Variants in CYP1B1 observed in about 807,000 individuals in gnomAD.
The protein encoded by CYP1B1 is cytochrome P450 family 1 subfamily B member 1, also known as cytochrome P450 1B1.
Under a neutral mutation model 29.9 loss-of-function variants are expected in CYP1B1, and 22 were observed. The observed-to-expected ratio is 0.74, with a 90% confidence interval of 0.53 to 1.05. The LOEUF (loss-of-function observed/expected upper bound fraction) is 1.05. Ranked by LOEUF, CYP1B1 falls within the 50% of genes least tolerant of loss-of-function variation. The pLI, the probability that CYP1B1 is intolerant of heterozygous loss-of-function variation, is 0.00. For missense variants in CYP1B1, 883 were observed against 746.9 expected (o/e 1.18, Z -2.12); for synonymous variants, 375 against 320.0 (o/e 1.17, Z -1.83).
Position 38,071,171 on chromosome 2 carries a change from C to G in CYP1B1, c.1183G>C (p.Val395Leu), listed in dbSNP as rs753971512. ...GTGGCATGAGGAATAGTGACAGGCA[C>G]AAAGCTGGAGAAGCGCATGGCTTCA... ...LYEAMRFSSF[V>L]PVTIPHATTA... The change falls in exon 3 of 3, where the codon GTG (valine) becomes CTG (leucine). Residue 395 changes from valine (V) to leucine (L), a missense_variant. By Grantham distance (32) the Val-to-Leu change is conservative. Coordinates refer to ENST00000610745, the MANE Select transcript of CYP1B1 (RefSeq NM_000104.4). The G allele has an allele frequency of 6.2e-6, 10 of 1,613,738 alleles. No homozygotes were observed. In the South Asian group the frequency reaches 9.9e-5, roughly 16 times the overall value.
rs1273390088 is a variant in CYP1B1, at chr2:38,074,808, C to A, written c.581G>T (p.Arg194Met). Reference protein sequence around the residue: ...GSADGAFLDPRPLTVVAVANV... With the variant: ...GSADGAFLDPMPLTVVAVANV... ...GGCCACGGCCACGACGGTCAGCGGC[C>A]TCGGGTCGAGGAAGGCGCCGTCCGC... is the stretch of plus-strand genomic sequence containing the variant. The change falls in exon 2 of 3, where the codon AGG (arginine) becomes ATG (methionine). Residue 194 changes from arginine (R) to methionine (M), a missense_variant. By Grantham distance (91) the Arg-to-Met change is moderately conservative. Coordinates refer to ENST00000610745, the MANE Select transcript of CYP1B1 (RefSeq NM_000104.4). The A allele has an allele frequency of 1.3e-6, 2 of 1,578,618 alleles. No individual in the cohort carries two copies. Among genetic ancestry groups the A allele is most frequent in the South Asian group, 2.3e-5 (2 of 86,762 alleles).
At position 38,075,035 on chromosome 2, in the gene CYP1B1, C is replaced by G. The variant is rs967583953; in HGVS notation, c.354G>C (p.Pro118=). The G allele has an allele frequency of 6.3e-7, 1 of 1,588,830 alleles. No homozygotes were observed. Among genetic ancestry groups the G allele is most frequent in the South Asian group, 1.1e-5 (1 of 89,570 alleles). ...ACACCACACGGAAGGAGGCGAAGGCCGGCCGGTCGGCGAAGGCCGAGCCCT... is the reference window on the plus strand; with the variant it reads ...ACACCACACGGAAGGAGGCGAAGGCGGGCCGGTCGGCGAAGGCCGAGCCCT... ...VQQGSAFADR[P]AFASFRVVSG... Residue 118 remains proline, a synonymous_variant, in exon 2 of 3, where the codon CCG becomes CCC. Coordinates refer to ENST00000610745, the MANE Select transcript of CYP1B1 (RefSeq NM_000104.4).
In CYP1B1 at chr2:38,073,947, A is replaced by G. The variant is rs35973441; in HGVS notation, c.1043+399T>C. ...CCTAGGAGAGGCTGCTGTGTTTAAC[A>G]TATTTATGACATTACCTTTTCTTTC... is the stretch of plus-strand genomic sequence containing the variant. On this transcript the variant is annotated intron_variant, in intron 2 of 2. Coordinates refer to ENST00000610745, the MANE Select transcript of CYP1B1 (RefSeq NM_000104.4). The G allele has an allele frequency of 1.3e-3, 307 of 236,132 alleles. 1 individual carries two copies. Among genetic ancestry groups the G allele is most frequent in the African/African-American group, 6.7e-3 (294 of 44,208 alleles). 14.6% of individuals were successfully genotyped at this position (236,132 alleles called of 1,614,324 possible). A position where few individuals can be genotyped will look rare whatever the true frequency, so the allele number is the denominator to read the frequency against.
rs1057330976 is a variant in CYP1B1 at position 38,068,473 on chromosome 2, A to G, written c.*2249T>C. ...GAGGCATCCAGATTGGTTCATGATT[A>G]TTTTTGCAGCTACACATTTCTCAAT... On this transcript the variant is annotated 3_prime_UTR_variant, in exon 3 of 3. Transcript: ENST00000610745. 1.8e-5 allele frequency: 4 copies of G among 225,068 alleles called. No homozygotes were observed. Among genetic ancestry groups the G allele is most frequent in the African/African-American group, 8.9e-5 (4 of 44,798 alleles). The allele number at this position is 225,068 out of a possible 1,614,324, so 13.9% of individuals were successfully genotyped here.
Position 38,068,793 on chromosome 2 carries a change from T to G in CYP1B1, c.*1929A>C, listed in dbSNP as rs1433189786. 3 of 225,532 alleles carry G rather than the reference T, an allele frequency of 1.3e-5. No individual in the cohort carries two copies. Among genetic ancestry groups the G allele is most frequent in the Non-Finnish European group, 2.7e-5 (3 of 113,066 alleles). 14.0% of individuals were successfully genotyped at this position (225,532 alleles called of 1,614,324 possible). On this transcript the variant is annotated 3_prime_UTR_variant, in exon 3 of 3. Coordinates refer to ENST00000610745, the MANE Select transcript of CYP1B1 (RefSeq NM_000104.4). The stretch of plus-strand genomic sequence containing the variant: ...AGATTTAACTCTGCTACGCCAAACA[T>G]CTTTCTTCTAAATGTCCATGCTTTG...
chr2:38,071,945 A>G (rs1682440553), intron 2 of CYP1B1, among the ~76,000 whole-genome samples: 1 of 152,202 alleles, frequency 6.6e-6, no homozygotes, highest in Non-Finnish European at 1.5e-5. Context: ...ATTTTATACA[A>G]AGATAATTGG....
chr2:38,068,137 G>A lies in CYP1B1; in HGVS notation c.*2585C>T, dbSNP rs1682347904. On this transcript the variant is annotated 3_prime_UTR_variant, in exon 3 of 3. Coordinates refer to ENST00000610745, the MANE Select transcript of CYP1B1 (RefSeq NM_000104.4). ...ACATTATACTTTATTGCAATAACCT[G>A]GAGTAAAACTTCTGACTTTAATGGT... is the stretch of plus-strand genomic sequence containing the variant. 1 of 209,424 alleles carries A rather than the reference G, an allele frequency of 4.8e-6. No individual in the cohort carries two copies. The highest frequency in any genetic ancestry group is 5.9e-5 in the Admixed American group (1 of 16,936). 13.0% of individuals were successfully genotyped at this position (209,424 alleles called of 1,614,324 possible). A position where few individuals can be genotyped will look rare whatever the true frequency, so the allele number is the denominator to read the frequency against.
chr2:38,074,306 G>T (rs189445746), intron 2 of CYP1B1, 40 bp downstream of exon 2: 1 of 1,603,096 alleles, frequency 6.2e-7, no homozygotes, highest in Non-Finnish European at 8.5e-7. Flanking sequence ...GCCTTTTTCA[G>T]AGGAGAAAAG....
In CYP1B1 at chr2:38,074,972, C is replaced by T; in HGVS notation, c.417G>A (p.Glu139=). ...CTGCGCGCCGCTGCACCTTCCAGTG[C>T]TCCGAGTAGTGGCCGAAAGCCATGC... ...GRSMAFGHYS[E]HWKVQRRAAH... is the part of the protein sequence containing the mutation. The change falls in exon 2 of 3, where the codon GAG becomes GAA. Residue 139 remains glutamate (E), a synonymous_variant. Transcript: ENST00000610745. 6.3e-7 allele frequency: 1 copy of T among 1,583,806 alleles called. No homozygotes were observed. Among genetic ancestry groups the T allele is most frequent in the Middle Eastern group, 1.7e-4 (1 of 6,002 alleles).
chr2:38,069,049 T>C lies in CYP1B1; in HGVS notation c.*1673A>G, dbSNP rs1227596553. The C allele has an allele frequency of 4.4e-6, 1 of 226,178 alleles. No individual in the cohort carries two copies. The highest frequency in any genetic ancestry group is 6.4e-5 in the East Asian group (1 of 15,658). 14.0% of individuals were successfully genotyped at this position (226,178 alleles called of 1,614,324 possible). On this transcript the variant is annotated 3_prime_UTR_variant, in exon 3 of 3. Transcript: ENST00000610745. ...GACACTGTAGAACTTTCTTTGGAAG[T>C]TTAATTGCAATGAACTTTAAAACTT... is the stretch of plus-strand genomic sequence containing the variant.
At chr2:38,073,114 C>T (rs1030071610) in intron 2 of CYP1B1, among the ~76,000 whole-genome samples, 1 of 152,124 alleles carries the variant, frequency 6.6e-6, no homozygotes, top group Non-Finnish European at 1.5e-5. Flanking sequence ...TTTCTTTATT[C>T]GATTTCTGCC....
At chr2:38,072,152 G>A (rs2125315194) in intron 2 of CYP1B1, among the ~76,000 whole-genome samples, 1 of 152,288 alleles carries the variant, frequency 6.6e-6, no homozygotes, top group South Asian at 2.1e-4. Context: ...TTTAAACCCA[G>A]TAATCCATGC....
chr2:38,072,040 A>G (rs1186328214), intron 2 of CYP1B1, among the ~76,000 whole-genome samples: 1 of 152,268 alleles, frequency 6.6e-6, no homozygotes, highest in Non-Finnish European at 1.5e-5. Flanking sequence ...TACAAACTGT[A>G]GTACTTATTC....
intron 2 of CYP1B1, 98 bp downstream of exon 2, chr2:38,074,248 C>G (rs1682482384): frequency 7.2e-7 from 1 of 1,391,230 alleles, no homozygotes; most frequent in Non-Finnish European, 9.9e-7. Context: ...AGCGAAACCC[C>G]AAACCCGGGG....
Position 38,075,856 on chromosome 2 carries a change from A to T in CYP1B1, c.-78T>A. 1 of 203,444 alleles carries T rather than the reference A, an allele frequency of 4.9e-6. No homozygotes were observed. 12.6% of individuals were successfully genotyped at this position (203,444 alleles called of 1,614,324 possible). A position where few individuals can be genotyped will look rare whatever the true frequency, so the allele number is the denominator to read the frequency against. ...AACTGGGACCTTTGCCTAGGGCAAG[A>T]CGTCAACAGGAACCCGCAGGCCCGG... is the stretch of plus-strand genomic sequence containing the variant. On this transcript the variant is annotated 5_prime_UTR_variant, in exon 1 of 3. Transcript: ENST00000610745.
chr2:38,067,753 T>C lies in CYP1B1; in HGVS notation c.*2969A>G, dbSNP rs1488378691. 2 of 182,988 alleles carry C rather than the reference T, an allele frequency of 1.1e-5. No homozygotes were observed. Among genetic ancestry groups the C allele is most frequent in the African/African-American group, 4.7e-5 (2 of 42,554 alleles). 11.3% of individuals were successfully genotyped at this position (182,988 alleles called of 1,614,324 possible). ...ATGTACTTTGTCTACAACTATGCACTGTAGCTATTATGCACACACTAAAAG... is the reference window on the plus strand; with the variant it reads ...ATGTACTTTGTCTACAACTATGCACCGTAGCTATTATGCACACACTAAAAG... On this transcript the variant is annotated 3_prime_UTR_variant, in exon 3 of 3. Coordinates refer to ENST00000610745, the MANE Select transcript of CYP1B1 (RefSeq NM_000104.4).
rs1173429119 is a variant in CYP1B1 at position 38,070,902 on chromosome 2, G to A, written c.1452C>T (p.Ile484=). ...ELSKMQLFLF[I]SILAHQCDFR... is the part of the protein sequence containing the mutation. ...AATCGCACTGGTGAGCCAGGATGGA[G>A]ATGAAGAGAAAAAGCTGCATCTTAG... The change falls in exon 3 of 3, where the codon ATC becomes ATT. Residue 484 remains isoleucine, a synonymous_variant. Coordinates refer to ENST00000610745, the MANE Select transcript of CYP1B1 (RefSeq NM_000104.4). 4 of 1,613,936 alleles carry A rather than the reference G, an allele frequency of 2.5e-6. No individual in the cohort carries two copies. The highest frequency in any genetic ancestry group is 1.3e-5 in the African/African-American group (1 of 74,908).
Position 38,070,447 on chromosome 2 carries a change from C to T in CYP1B1, c.*275G>A, listed in dbSNP as rs778038757. The T allele has an allele frequency of 1.8e-5, 9 of 487,574 alleles. No homozygotes were observed. Among genetic ancestry groups the T allele is most frequent in the Admixed American group, 6.9e-5 (2 of 28,864 alleles). 30.2% of individuals were successfully genotyped at this position (487,574 alleles called of 1,614,324 possible). A position where few individuals can be genotyped will look rare whatever the true frequency, so the allele number is the denominator to read the frequency against. ...GCATTTTAACTCCAAAGAATGCTAC[C>T]TTCAGAAATAACCAAGATGCAGTAT... On this transcript the variant is annotated 3_prime_UTR_variant, in exon 3 of 3. Coordinates refer to ENST00000610745, the MANE Select transcript of CYP1B1 (RefSeq NM_000104.4).
chr2:38,074,309 G>C, intron 2 of CYP1B1, 37 bp downstream of exon 2: 1 of 1,605,158 alleles, frequency 6.2e-7, no homozygotes, highest in Non-Finnish European at 8.5e-7. Context: ...TTTTTCAGAG[G>C]AGAAAAGACC....
Sources: allele counts gnomAD v4.1 joint callset (sites outside exome capture counted in the v4.1 genomes callset), GRCh38; gene constraint gnomAD v4.1.1; transcripts MANE v1.5; gene names NCBI Gene and HGNC (gene_info 2026-07-23, HGNC 2026-07-21).